ITCH: variants seen among roughly 807,000 people sequenced by gnomAD.
ITCH encodes itchy E3 ubiquitin protein ligase.
In ITCH, 28 loss-of-function variants were observed where a neutral mutation model predicts 126.8. The ratio of observed to expected loss-of-function variants is 0.22; its 90% CI spans 0.16 to 0.30. ITCH has a LOEUF of 0.30. Among genes scored for constraint, ITCH ranks in the 10% least tolerant of loss-of-function variants. The pLI is 1.00. For synonymous variants in ITCH, 342 were observed against 340.0 expected, an observed-to-expected ratio of 1.01 and a Z score of -0.06; for missense variants, 631 against 1,032.4, an observed-to-expected ratio of 0.61 and a Z score of 5.33.
chr20:34,493,008 T>C (rs927779485), intron 23 of ITCH, among the ~76,000 whole-genome samples: 1 of 152,226 alleles, frequency 6.6e-6, no homozygotes, highest in Admixed American at 6.5e-5. Flanking sequence ...CTTTGAGAAA[T>C]GGATTCATAT....
At chr20:34,377,999 G>T (rs1024803137) in intron 2 of ITCH, among the ~76,000 whole-genome samples, 23 of 150,886 alleles carry the variant, frequency 1.5e-4, no homozygotes, top group African/African-American at 5.6e-4. Flanking sequence ...TTTAGATTTT[G>T]TTCTGTTTAT....
At chr20:34,472,236 C>T (rs1211762618) in intron 16 of ITCH, among the ~76,000 whole-genome samples, 1 of 151,614 alleles carries the variant, frequency 6.6e-6, no homozygotes, top group South Asian at 2.1e-4. Flanking sequence ...ATTAGCTGGG[C>T]CTGGTGGCTG....
At chr20:34,434,182 C>CG (rs1190011747) in intron 7 of ITCH, among the ~76,000 whole-genome samples, 1 of 151,666 alleles carries the variant, frequency 6.6e-6, no homozygotes, top group East Asian at 1.9e-4. Flanking sequence ...GAGACTGAGG[C>CG]GGGAGGATCA....
chr20:34,459,166 C>T (rs545393302), intron 13 of ITCH, among the ~76,000 whole-genome samples: 3 of 152,162 alleles, frequency 2.0e-5, no homozygotes, highest in Admixed American at 2.0e-4. Flanking sequence ...GTACTGAGAA[C>T]TCATTGAAAC....
rs1170484500 is a variant in ITCH, at chr20:34,412,497, C to T, written c.213-18C>T. 1 of 1,554,988 alleles carries T rather than the reference C, an allele frequency of 6.4e-7. No individual in the cohort carries two copies. Among genetic ancestry groups the T allele is most frequent in the Non-Finnish European group, 8.9e-7 (1 of 1,127,344 alleles). Reference sequence around the variant, plus strand: ...ATTCAATAAAAATAATATTTTTTCCCTCTTTTTTCACTTTTAGTATCGTTA... The same window carrying T: ...ATTCAATAAAAATAATATTTTTTCCTTCTTTTTTCACTTTTAGTATCGTTA... On this transcript the variant is annotated intron_variant, in intron 4 of 24. Coordinates refer to ENST00000374864, the MANE Select transcript of ITCH (RefSeq NM_031483.7).
chr20:34,465,882 T>G (rs889445784), intron 14 of ITCH, among the ~76,000 whole-genome samples: 13 of 152,086 alleles, frequency 8.5e-5, no homozygotes, highest in Admixed American at 7.2e-4. Flanking sequence ...CCAATTTGGG[T>G]ATCTTTTATT....
chr20:34,464,098 C>T (rs753152106), intron 14 of ITCH, among the ~76,000 whole-genome samples: 3 of 151,626 alleles, frequency 2.0e-5, no homozygotes, highest in Admixed American at 6.6e-5. Context: ...CCTCAGCCTC[C>T]GAAGTAGCTG....
Position 34,504,337 on chromosome 20 carries a change from A to G in ITCH, c.2423A>G (p.Asn808Ser), listed in dbSNP as rs575380764. ...TGATTTCATTATGTTTTAGGGAGCAATGGACCACAGAAATTCTGCATTGAA... is the reference window on the plus strand; with the variant it reads ...TGATTTCATTATGTTTTAGGGAGCAGTGGACCACAGAAATTCTGCATTGAA... ...VGGFADLMGS[N>S]GPQKFCIEKV... is the part of the protein sequence containing the mutation. The change falls in exon 24 of 25, where the codon AAT becomes AGT. Residue 808 changes from asparagine (N) to serine (S), a missense_variant. Asn to Ser is a conservative substitution (Grantham distance 46). This residue lies in a region of ITCH where 390 missense variants were observed against 731.6 expected (regional missense o/e 0.53). Coordinates refer to ENST00000374864, the MANE Select transcript of ITCH (RefSeq NM_031483.7). The G allele has an allele frequency of 2.1e-5, 34 of 1,612,716 alleles. No individual in the cohort carries two copies. In the South Asian group the frequency reaches 2.7e-4, roughly 13 times the overall value.
At chr20:34,495,966 T>TA (rs1277124862) in intron 23 of ITCH, among the ~76,000 whole-genome samples, 1 of 144,338 alleles carries the variant, frequency 6.9e-6, no homozygotes, top group Non-Finnish European at 1.5e-5. Context: ...AGAGTGGTGG[T>TA]ACACGCCTGT....
At chr20:34,390,780 G>A (rs2038461764) in intron 2 of ITCH, among the ~76,000 whole-genome samples, 1 of 144,276 alleles carries the variant, frequency 6.9e-6, no homozygotes, top group South Asian at 2.2e-4. Context: ...TCTTTTTTGA[G>A]ATGGAGTTTT....
intron 12 of ITCH, among the ~76,000 whole-genome samples, chr20:34,455,040 C>T (rs1985744970): frequency 6.6e-6 from 1 of 151,822 alleles, no homozygotes; most frequent in African/African-American, 2.4e-5. Flanking sequence ...CTGTTGGCCA[C>T]GCTGGTCTCA....
At chr20:34,499,459 T>C (rs1437889817) in intron 23 of ITCH, among the ~76,000 whole-genome samples, 1 of 151,712 alleles carries the variant, frequency 6.6e-6, no homozygotes, top group African/African-American at 2.4e-5. Flanking sequence ...ATGTATCAAT[T>C]TCCATAGGTT....
intron 2 of ITCH, among the ~76,000 whole-genome samples, chr20:34,370,901 G>A (rs1317808578): frequency 6.6e-6 from 1 of 152,106 alleles, no homozygotes; most frequent in African/African-American, 2.4e-5. Context: ...GGGCGCGGTG[G>A]CTCACGCCTG....
chr20:34,438,602 G>C lies in ITCH; in HGVS notation c.650G>C (p.Arg217Pro). The part of the protein sequence containing the change: ...FKPSRPPRPS[R>P]PPPPTPRRPA... ...CCTTCTAGACCTCCAAGACCTTCAC[G>C]ACCACCACCACCCACCCCACGTAGA... Residue 217 changes from arginine (R) to proline (P), a missense_variant, in exon 8 of 25, where the codon CGA becomes CCA. Coordinates refer to ENST00000374864, the MANE Select transcript of ITCH (RefSeq NM_031483.7). 6.2e-7 allele frequency: 1 copy of C among 1,613,806 alleles called. No homozygotes were observed.
intron 7 of ITCH, among the ~76,000 whole-genome samples, chr20:34,427,621 A>G (rs1237041778): frequency 6.6e-6 from 1 of 152,112 alleles, no homozygotes; most frequent in African/African-American, 2.4e-5. Flanking sequence ...AAAAAAAGAA[A>G]AGCAATAGGA....
intron 7 of ITCH, among the ~76,000 whole-genome samples, chr20:34,425,126 T>C (rs1981324245): frequency 6.6e-6 from 1 of 152,252 alleles, no homozygotes; most frequent in Admixed American, 6.5e-5. Context: ...TCTGTAACTT[T>C]AGCCCCAACC....
chr20:34,472,569 A>T (rs1987749989), intron 16 of ITCH, among the ~76,000 whole-genome samples: 1 of 152,146 alleles, frequency 6.6e-6, no homozygotes, highest in African/African-American at 2.4e-5. Context: ...GGAAGTGATT[A>T]TTTTCAAGCA....
intron 12 of ITCH, among the ~76,000 whole-genome samples, chr20:34,456,656 A>ATGTGTGTGTGTGTG (rs1443960313): frequency 1.4e-5 from 2 of 143,414 alleles, no homozygotes; most frequent in African/African-American, 5.1e-5. Flanking sequence ...ATATATATAT[A>ATGTGTGTGTGTGTG]TATGTGTGTG....
At chr20:34,504,494 G>A in intron 24 of ITCH, 91 bp downstream of exon 24, 3 of 861,894 alleles carry the variant, frequency 3.5e-6, no homozygotes, top group Non-Finnish European at 5.8e-6. Context: ...ATGATATTTA[G>A]TAGATTTACA....
Sources: allele counts gnomAD v4.1 joint callset (sites outside exome capture counted in the v4.1 genomes callset), GRCh38; gene constraint gnomAD v4.1.1; regional missense constraint gnomAD v4.1.1; transcripts MANE v1.5; gene names NCBI Gene and HGNC (gene_info 2026-07-23, HGNC 2026-07-21).